Variants in NAALADL2 observed in about 807,000 individuals in gnomAD.
The protein encoded by NAALADL2 is N-acetylated alpha-linked acidic dipeptidase like 2.
NAALADL2 carries 76 observed loss-of-function variants against 87.2 expected under a neutral mutation model. The observed-to-expected ratio is 0.87, with a 90% CI of 0.72 to 1.05. NAALADL2 has a LOEUF of 1.05. Ranked by LOEUF, NAALADL2 falls within the 50% of genes least tolerant of loss-of-function variation. The probability of loss-of-function intolerance (pLI) is 0.00; values close to 1 mark genes in which losing one functional copy is unlikely to be tolerated. For missense variants in NAALADL2, 1,089 were observed against 945.8 expected, an observed-to-expected ratio of 1.15 and a Z score of -1.99; for synonymous variants, 354 against 331.0, an observed-to-expected ratio of 1.07 and a Z score of -0.75.
intron 11 of NAALADL2, among the ~76,000 whole-genome samples, chr3:175,736,504 G>GCTTT (rs1377858957): frequency 6.6e-6 from 1 of 152,154 alleles, no homozygotes; most frequent in Non-Finnish European, 1.5e-5. Context: ...AGGTTGGGAG[G>GCTTT]CTTTCCTAAG....
chr3:175,741,642 G>A (rs1745251919), intron 12 of NAALADL2, among the ~76,000 whole-genome samples: 1 of 151,892 alleles, frequency 6.6e-6, no homozygotes, highest in Non-Finnish European at 1.5e-5. Context: ...CTTTTTTGGG[G>A]CAGAATTAAG....
chr3:175,251,836 TG>T (rs1749126201), intron 3 of NAALADL2, among the ~76,000 whole-genome samples: 1 of 152,222 alleles, frequency 6.6e-6, no homozygotes, highest in African/African-American at 2.4e-5. Context: ...TTTTTATTAT[TG>T]CCTGCAAATC....
At chr3:175,468,212 T>C (rs1383956420) in intron 8 of NAALADL2, among the ~76,000 whole-genome samples, 1 of 152,088 alleles carries the variant, frequency 6.6e-6, no homozygotes, top group Non-Finnish European at 1.5e-5. Flanking sequence ...ATGAAAAAAT[T>C]TTTTCAGTGT....
intron 1 of NAALADL2, among the ~76,000 whole-genome samples, chr3:174,504,107 A>G (rs1682533455): frequency 6.6e-6 from 1 of 152,152 alleles, no homozygotes; most frequent in African/African-American, 2.4e-5. Context: ...CTCAAAGGGG[A>G]GTGCTTAACT....
intron 2 of NAALADL2, among the ~76,000 whole-genome samples, chr3:175,218,864 C>T (rs538134550): frequency 4.0e-5 from 6 of 151,622 alleles, no homozygotes; most frequent in East Asian, 1.9e-4. Context: ...GGAGTGCAAT[C>T]GCGCAATCTC....
At chr3:175,551,625 C>T (rs529095562) in intron 9 of NAALADL2, among the ~76,000 whole-genome samples, 367 of 152,264 alleles carry the variant, frequency 2.4e-3, no homozygotes, top group African/African-American at 8.3e-3. Flanking sequence ...AGGGGCCGGG[C>T]GCGGTGACTC....
chr3:175,670,603 T>C (rs1733873939), intron 11 of NAALADL2, among the ~76,000 whole-genome samples: 1 of 147,018 alleles, frequency 6.8e-6, no homozygotes, highest in Non-Finnish European at 1.5e-5. Context: ...TTTTATTAAA[T>C]ATATATTAAA....
At chr3:174,864,284 A>C (rs1726867619) in intron 1 of NAALADL2, among the ~76,000 whole-genome samples, 1 of 152,086 alleles carries the variant, frequency 6.6e-6, no homozygotes, top group Non-Finnish European at 1.5e-5. Context: ...TTGTCTTTCT[A>C]AGTGGAAGTG....
intron 1 of NAALADL2, among the ~76,000 whole-genome samples, chr3:175,040,775 A>G (rs552095129): frequency 1.3e-5 from 2 of 152,316 alleles, no homozygotes; most frequent in African/African-American, 4.8e-5. Flanking sequence ...CAAGGCCATA[A>G]CAAATTCAGT....
intron 7 of NAALADL2, among the ~76,000 whole-genome samples, chr3:175,465,127 C>T (rs1032745592): frequency 6.6e-6 from 1 of 151,888 alleles, no homozygotes; most frequent in Non-Finnish European, 1.5e-5. Context: ...TGGCAGACGC[C>T]TGTAGTCCCA....
At chr3:174,911,088 A>AT (rs1733634385) in intron 1 of NAALADL2, among the ~76,000 whole-genome samples, 1 of 152,132 alleles carries the variant, frequency 6.6e-6, no homozygotes, top group Admixed American at 6.6e-5. Flanking sequence ...TGGAATTGCC[A>AT]TCCCCCAAAA....
At chr3:175,732,994 A>G (rs567339715) in intron 11 of NAALADL2, among the ~76,000 whole-genome samples, 35 of 152,222 alleles carry the variant, frequency 2.3e-4, no homozygotes, top group African/African-American at 7.9e-4. Flanking sequence ...TAAGTGCAAC[A>G]AACCACCATC....
intron 3 of NAALADL2, among the ~76,000 whole-genome samples, chr3:174,831,577 G>A (rs1384854940): frequency 4.0e-5 from 6 of 150,216 alleles, no homozygotes; most frequent in African/African-American, 9.8e-5. Flanking sequence ...CTCTTTTTTT[G>A]TTGTGTCTCT....
chr3:175,049,932 A>G (rs887683472), intron 1 of NAALADL2, among the ~76,000 whole-genome samples: 2 of 152,216 alleles, frequency 1.3e-5, no homozygotes, highest in African/African-American at 2.4e-5. Flanking sequence ...GTTGTTGTGA[A>G]AAAAATAATA....
chr3:175,318,803 G>A lies in NAALADL2; in HGVS notation c.940-5372G>A, dbSNP rs142623896. ...TGTAATTAAACTACTCTCCCCAACC[G>A]CTCTCTAGCAATCACTGATCTGATT... On this transcript the variant is annotated intron_variant, in intron 4 of 13. Coordinates refer to ENST00000454872, the MANE Select transcript of NAALADL2 (RefSeq NM_207015.3). Among the ~76,000 whole-genome samples, 51 of 152,000 alleles carry A rather than the reference G, an allele frequency of 3.4e-4. 1 individual carries two copies. The East Asian group carries it at 8.9e-3, about 27-fold the overall frequency.
chr3:175,266,441 TAAGG>T (rs1344816854), intron 4 of NAALADL2, among the ~76,000 whole-genome samples: 1 of 151,590 alleles, frequency 6.6e-6, no homozygotes, highest in African/African-American at 2.4e-5. Context: ...TATTCATAAT[TAAGG>T]AAGAACCACC....
At chr3:174,673,718 TA>T (rs1225564557) in intron 2 of NAALADL2, among the ~76,000 whole-genome samples, 1 of 150,538 alleles carries the variant, frequency 6.6e-6, no homozygotes, top group Non-Finnish European at 1.5e-5. Flanking sequence ...ATAGAAGGAA[TA>T]AGTTACAGCA....
intron 2 of NAALADL2, among the ~76,000 whole-genome samples, chr3:174,584,752 C>G (rs955086455): frequency 4.6e-5 from 7 of 152,180 alleles, no homozygotes; most frequent in Non-Finnish European, 7.4e-5. Context: ...TGAATTTTTA[C>G]TAAATCCTGG....
chr3:175,590,833 G>A (rs1454485224), intron 10 of NAALADL2, among the ~76,000 whole-genome samples: 1 of 152,040 alleles, frequency 6.6e-6, no homozygotes, highest in Admixed American at 6.6e-5. Flanking sequence ...CATAAATCAG[G>A]GTTTAATGAT....
Sources: gnomAD v4.1 joint callset for allele counts (sites outside exome capture counted in the v4.1 genomes callset) on GRCh38, gnomAD v4.1.1 for gene constraint, MANE v1.5 for transcripts, NCBI Gene and HGNC (gene_info 2026-07-23, HGNC 2026-07-21) for gene names.